The following STK32A variants were observed in gnomAD, a reference collection of about 807,000 sequenced individuals.
The protein encoded by STK32A is serine/threonine-protein kinase 32A.
Under a neutral mutation model 53.2 loss-of-function variants are expected in STK32A, and 41 were observed. The observed-to-expected ratio is 0.77, with a 90% CI of 0.60 to 1.00. STK32A has a LOEUF of 1.00. Among genes scored for constraint, STK32A ranks in the 50% least tolerant of loss-of-function variants. STK32A has a pLI of 0.00. For synonymous variants in STK32A, 166 were observed against 162.8 expected (o/e 1.02, Z -0.15); for missense variants, 458 against 485.8 (o/e 0.94, Z 0.54).
chr5:147,269,772 G>A (rs1311568612), intron 2 of STK32A, among the ~76,000 whole-genome samples: 5 of 152,134 alleles, frequency 3.3e-5, no homozygotes, highest in African/African-American at 1.2e-4. Context: ...TGCTGTATAT[G>A]TGAAATATTT....
chr5:147,272,106 T>G (rs1024447354), intron 2 of STK32A, among the ~76,000 whole-genome samples: 1 of 152,186 alleles, frequency 6.6e-6, no homozygotes, highest in African/African-American at 2.4e-5. Flanking sequence ...CCTTTATTTT[T>G]CAATGCAGCT....
rs76242051 is a variant in STK32A, at chr5:147,247,377, A to T, written c.52+7691A>T. Among the ~76,000 whole-genome samples, 1,249 of 152,382 alleles carry T rather than the reference A, an allele frequency of 8.2e-3. 20 individuals carry two copies. The highest frequency in any genetic ancestry group is 0.029 in the African/African-American group (1,203 of 41,586). ...CAGTCATGGAATAACATTCTTGTTA[A>T]AACAGGACATTGGCAAAAAGGACTA... is the stretch of plus-strand genomic sequence containing the variant. On this transcript the variant is annotated intron_variant, in intron 2 of 12. Transcript: ENST00000397936.
At chr5:147,248,479 A>C (rs1241768711) in intron 2 of STK32A, among the ~76,000 whole-genome samples, 2 of 152,198 alleles carry the variant, frequency 1.3e-5, no homozygotes, top group African/African-American at 4.8e-5. Flanking sequence ...CCTAAATTCA[A>C]TTAAATGGTT....
intron 11 of STK32A, 180 bp downstream of exon 11, chr5:147,375,398 G>A (rs1441930540): frequency 6.6e-6 from 4 of 608,752 alleles, no homozygotes; most frequent in African/African-American, 5.7e-5. Context: ...GATCCTAGCA[G>A]CAACATTTTA....
chr5:147,397,543 A>T, the STK32A span: 1 of 1,076,056 alleles, frequency 9.3e-7, no homozygotes, highest in Non-Finnish European at 1.3e-6. Flanking sequence ...TGGGGACAAG[A>T]CTGTCACTGA....
At chr5:147,265,080 G>A (rs17106331) in intron 2 of STK32A, among the ~76,000 whole-genome samples, 15,770 of 99,374 alleles carry the variant, frequency 0.16, 988 homozygotes, top group East Asian at 0.38. Flanking sequence ...TAGCATATTC[G>A]TTTTATATAT....
chr5:147,307,247 A>T (rs1753452796), intron 4 of STK32A, among the ~76,000 whole-genome samples: 1 of 152,066 alleles, frequency 6.6e-6, no homozygotes, highest in Non-Finnish European at 1.5e-5. Flanking sequence ...TTTTTTAACA[A>T]TAAAAAATGT....
chr5:147,378,751 G>A (rs536587130), intron 11 of STK32A, among the ~76,000 whole-genome samples: 12 of 148,212 alleles, frequency 8.1e-5, no homozygotes, highest in Non-Finnish European at 1.5e-4. Flanking sequence ...TGCGTCTGTC[G>A]TTGTACCAGT....
intron 2 of STK32A, among the ~76,000 whole-genome samples, chr5:147,257,743 A>G (rs1305900373): frequency 2.0e-5 from 3 of 152,058 alleles, no homozygotes. Flanking sequence ...TTTGATAAGA[A>G]CGTGATCTTC....
chr5:147,326,978 CA>C (rs1252230999), intron 5 of STK32A, among the ~76,000 whole-genome samples: 1 of 152,100 alleles, frequency 6.6e-6, no homozygotes, highest in Non-Finnish European at 1.5e-5. Context: ...CTCAGCCTCC[CA>C]AAACTCTGGG....
At chr5:147,344,048 G>A (rs1209614555) in intron 6 of STK32A, among the ~76,000 whole-genome samples, 1 of 151,994 alleles carries the variant, frequency 6.6e-6, no homozygotes, top group African/African-American at 2.4e-5. Context: ...AGATCTGCAG[G>A]GCACAAAAAC....
chr5:147,250,252 T>C (rs375118883), intron 2 of STK32A, among the ~76,000 whole-genome samples: 3 of 152,156 alleles, frequency 2.0e-5, no homozygotes, highest in Non-Finnish European at 2.9e-5. Flanking sequence ...AGCTAAATGA[T>C]GGTGCCAAGT....
At chr5:147,326,600 T>C (rs1436356072) in intron 5 of STK32A, among the ~76,000 whole-genome samples, 1 of 152,158 alleles carries the variant, frequency 6.6e-6, no homozygotes, top group African/African-American at 2.4e-5. Flanking sequence ...GTATAACCAG[T>C]ATGTGAAAAA....
intron 4 of STK32A, among the ~76,000 whole-genome samples, chr5:147,295,535 A>G (rs2151963484): frequency 6.6e-6 from 1 of 152,344 alleles, no homozygotes; most frequent in South Asian, 2.1e-4. Context: ...CCGAAGATTT[A>G]CCCAAGTTAT....
At chr5:147,320,687 T>A (rs1368865053) in intron 4 of STK32A, among the ~76,000 whole-genome samples, 2 of 152,210 alleles carry the variant, frequency 1.3e-5, no homozygotes, top group African/African-American at 2.4e-5. Context: ...GGAAAAGGCT[T>A]CTGTGAGAAG....
chr5:147,348,163 G>A (rs971774297), intron 6 of STK32A, among the ~76,000 whole-genome samples: 1 of 152,154 alleles, frequency 6.6e-6, no homozygotes, highest in African/African-American at 2.4e-5. Context: ...AGCCATAAAT[G>A]ACTCATATAT....
At chr5:147,251,724 G>T (rs371876050) in intron 2 of STK32A, among the ~76,000 whole-genome samples, 2 of 152,090 alleles carry the variant, frequency 1.3e-5, no homozygotes, top group Non-Finnish European at 2.9e-5. Context: ...CGCTTCTGCC[G>T]TAACTCACAT....
chr5:147,249,407 T>C (rs1753885427), intron 2 of STK32A, among the ~76,000 whole-genome samples: 1 of 152,116 alleles, frequency 6.6e-6, no homozygotes, highest in African/African-American at 2.4e-5. Flanking sequence ...TTGCTATCAT[T>C]ATATAATCAT....
rs192188713 is a variant in STK32A at position 147,341,640 on chromosome 5, C to T, written c.435-1366C>T. Among the ~76,000 whole-genome samples, 420 of 152,160 alleles carry T rather than the reference C, an allele frequency of 2.8e-3. 3 individuals carry two copies. Among genetic ancestry groups the T allele is most frequent in the Non-Finnish European group, 4.9e-3 (330 of 68,000 alleles). On this transcript the variant is annotated intron_variant, in intron 5 of 12. Transcript: ENST00000397936. ...GGGACTATAAGTACACACCACTGTG[C>T]CTGGCAAGAATTTTTTTTTTTAGGA...
Sources: gnomAD v4.1 joint callset for allele counts (sites outside exome capture counted in the v4.1 genomes callset) on GRCh38, gnomAD v4.1.1 for gene constraint, MANE v1.5 for transcripts, NCBI Gene and HGNC (gene_info 2026-07-23, HGNC 2026-07-21) for gene names.